CNTNAP2: variants seen among roughly 807,000 people sequenced by gnomAD.
The protein encoded by CNTNAP2 is contactin associated protein 2.
A neutral mutation model predicts 155.2 loss-of-function variants in CNTNAP2; 98 were observed. The ratio of observed to expected loss-of-function variants is 0.63; its 90% CI spans 0.54 to 0.75. The LOEUF (loss-of-function observed/expected upper bound fraction) is 0.75, where lower values mean the gene tolerates loss of function less well. CNTNAP2 is among the 30% of genes least tolerant of loss of function. The pLI is 0.00. For missense variants in CNTNAP2, 1,727 were observed against 1,688.1 expected (o/e 1.02, Z -0.40); for synonymous variants, 651 against 631.2 (o/e 1.03, Z -0.47).
chr7:147,498,875 A>G (rs12113172), intron 11 of CNTNAP2, among the ~76,000 whole-genome samples: 43,450 of 151,872 alleles, frequency 0.29, 6,316 homozygotes, highest in East Asian at 0.43. Context: ...AGTAAATTCT[A>G]CCACATGTGG....
intron 13 of CNTNAP2, among the ~76,000 whole-genome samples, chr7:147,755,223 T>C (rs1797197081): frequency 6.6e-6 from 1 of 152,210 alleles, no homozygotes; most frequent in Non-Finnish European, 1.5e-5. Flanking sequence ...CTTGGGGCAC[T>C]GATCTTCCTG....
intron 6 of CNTNAP2, among the ~76,000 whole-genome samples, chr7:147,125,783 T>C (rs1051745319): frequency 6.6e-6 from 1 of 152,194 alleles, no homozygotes; most frequent in Non-Finnish European, 1.5e-5. Context: ...ATTCTTTCCA[T>C]AGGGTTTATG....
intron 16 of CNTNAP2, among the ~76,000 whole-genome samples, chr7:148,121,908 A>C (rs1430677639): frequency 6.6e-6 from 1 of 152,190 alleles, no homozygotes; most frequent in Non-Finnish European, 1.5e-5. Context: ...AGTATCTACT[A>C]TGTCCCAGGT....
chr7:146,899,513 T>C (rs1310228402), intron 3 of CNTNAP2, among the ~76,000 whole-genome samples: 1 of 152,178 alleles, frequency 6.6e-6, no homozygotes, highest in Non-Finnish European at 1.5e-5. Context: ...GAACCTGTAT[T>C]TTGTGCCCTT....
chr7:148,373,199 T>C (rs1798922219), intron 21 of CNTNAP2, among the ~76,000 whole-genome samples: 1 of 152,184 alleles, frequency 6.6e-6, no homozygotes, highest in Admixed American at 6.5e-5. Flanking sequence ...GGCTCACACC[T>C]GTAATCCCAG....
At chr7:146,704,737 G>A (rs1231123929) in intron 1 of CNTNAP2, among the ~76,000 whole-genome samples, 1 of 152,092 alleles carries the variant, frequency 6.6e-6, no homozygotes, top group Non-Finnish European at 1.5e-5. Flanking sequence ...AGGTCAGGTT[G>A]GCTTAAAAAC....
chr7:146,782,945 G>A (rs1194297324), intron 2 of CNTNAP2, among the ~76,000 whole-genome samples: 1 of 152,076 alleles, frequency 6.6e-6, no homozygotes, highest in Non-Finnish European at 1.5e-5. Context: ...ATTTGCCAAT[G>A]TATGTGTGTT....
At chr7:146,645,944 T>A (rs1236415710) in intron 1 of CNTNAP2, among the ~76,000 whole-genome samples, 1 of 152,210 alleles carries the variant, frequency 6.6e-6, no homozygotes, top group Non-Finnish European at 1.5e-5. Flanking sequence ...AACTATATTT[T>A]ATCTAAAGAT....
chr7:146,341,992 T>C (rs902243199), intron 1 of CNTNAP2, among the ~76,000 whole-genome samples: 21 of 152,196 alleles, frequency 1.4e-4, no homozygotes, highest in Admixed American at 3.3e-4. Flanking sequence ...TTGTAGCACA[T>C]TGAATTTTAT....
At chr7:147,477,265 C>G (rs1313252181) in intron 10 of CNTNAP2, among the ~76,000 whole-genome samples, 1 of 152,094 alleles carries the variant, frequency 6.6e-6, no homozygotes. Context: ...CAAAACCTAT[C>G]AGGTTTGAAA....
At chr7:146,737,354 A>G (rs1281374625) in intron 1 of CNTNAP2, among the ~76,000 whole-genome samples, 1 of 152,092 alleles carries the variant, frequency 6.6e-6, no homozygotes, top group Admixed American at 6.6e-5. Context: ...ACCATGTTAT[A>G]CAATAGAACT....
intron 1 of CNTNAP2, among the ~76,000 whole-genome samples, chr7:146,570,663 A>G (rs150770365): frequency 3.2e-4 from 48 of 152,230 alleles, no homozygotes; most frequent in African/African-American, 1.0e-3. Context: ...AATTGTCTAT[A>G]TATGCTATAG....
At chr7:148,164,100 A>C (rs1805603348) in intron 17 of CNTNAP2, among the ~76,000 whole-genome samples, 1 of 151,922 alleles carries the variant, frequency 6.6e-6, no homozygotes. Context: ...ACACCTGGCT[A>C]ATTTTTGTAT....
At position 148,023,479 on chromosome 7, in the gene CNTNAP2, T is replaced by G. The variant is rs137942336; in HGVS notation, c.2383+45490T>G. Among the ~76,000 whole-genome samples, 716 of 152,326 alleles carry G rather than the reference T, an allele frequency of 4.7e-3. 10 individuals carry two copies. The highest frequency in any genetic ancestry group is 0.017 in the African/African-American group (695 of 41,574). ...TATTTCTGTTCCCCTGAGTGTTTCC[T>G]CTTGTCTGGTTGGAGGATGTTTGCC... On this transcript the variant is annotated intron_variant, in intron 15 of 23. Coordinates refer to ENST00000361727, the MANE Select transcript of CNTNAP2 (RefSeq NM_014141.6).
At chr7:148,037,656 A>AAG (rs34128478) in intron 15 of CNTNAP2, among the ~76,000 whole-genome samples, 50,641 of 151,934 alleles carry the variant, frequency 0.33, 9,396 homozygotes, top group East Asian at 0.75. Context: ...AGTATTTTGA[A>AAG]AGAGAGAGAG....
Position 148,172,348 on chromosome 7 carries a change from A to G in CNTNAP2, c.2880A>G (p.Ile960Met). 1.2e-6 allele frequency: 2 copies of G among 1,614,162 alleles called. No individual in the cohort carries two copies. Among genetic ancestry groups the G allele is most frequent in the Non-Finnish European group, 1.7e-6 (2 of 1,180,036 alleles). ...GAGCAAAGGTCACATCTGGGTTCATATCCGGATGCTCGGGCCATTGCACCA... is the reference window on the plus strand; with the variant it reads ...GAGCAAAGGTCACATCTGGGTTCATGTCCGGATGCTCGGGCCATTGCACCA... Reference protein sequence around the residue: ...EERAKVTSGFISGCSGHCTSY... With the variant: ...EERAKVTSGFMSGCSGHCTSY... Residue 960 changes from isoleucine (I) to methionine (M), a missense_variant, in exon 18 of 24, where the codon ATA becomes ATG. Physicochemically the swap from Ile to Met is conservative, Grantham distance 10. Transcript: ENST00000361727.
chr7:147,325,253 T>C (rs1178887758), intron 9 of CNTNAP2, among the ~76,000 whole-genome samples: 1 of 152,098 alleles, frequency 6.6e-6, no homozygotes, highest in Admixed American at 6.5e-5. Context: ...TGAGCCGAGA[T>C]CGCGCCACTA....
intron 8 of CNTNAP2, among the ~76,000 whole-genome samples, chr7:147,167,999 C>T (rs1222540423): frequency 6.7e-6 from 1 of 148,566 alleles, no homozygotes; most frequent in Non-Finnish European, 1.5e-5. Flanking sequence ...TATAAATTTA[C>T]ATGCATATAT....
At chr7:147,341,769 T>TACAC (rs35486619) in intron 9 of CNTNAP2, among the ~76,000 whole-genome samples, 104 of 147,416 alleles carry the variant, frequency 7.1e-4, no homozygotes, top group African/African-American at 2.0e-3. Context: ...CACATACACA[T>TACAC]ACACACACAC....
Sources: gnomAD v4.1 joint callset for allele counts (sites outside exome capture counted in the v4.1 genomes callset) on GRCh38, gnomAD v4.1.1 for gene constraint, MANE v1.5 for transcripts, NCBI Gene and HGNC (gene_info 2026-07-23, HGNC 2026-07-21) for gene names.